PHF21A: variants seen among roughly 807,000 people sequenced by gnomAD.
PHF21A encodes PHD finger protein 21A, also known as BHC80a.
Under a neutral mutation model 82.5 loss-of-function variants are expected in PHF21A, and 11 were observed. The observed-to-expected ratio is 0.13, with a 90% confidence interval of 0.08 to 0.22. PHF21A has a LOEUF of 0.22. PHF21A is among the 10% of genes least tolerant of loss of function. The probability of loss-of-function intolerance (pLI) is 1.00; values close to 1 mark genes in which losing one functional copy is unlikely to be tolerated. For synonymous variants in PHF21A, 297 were observed against 302.8 expected (o/e 0.98, Z 0.20); for missense variants, 579 against 837.8 (o/e 0.69, Z 3.81).
intron 6 of PHF21A, among the ~76,000 whole-genome samples, chr11:46,063,818 A>G (rs1452363658): frequency 1.2e-5 from 1 of 81,522 alleles, no homozygotes; most frequent in Non-Finnish European, 3.7e-5. Flanking sequence ...ACCTGCAAAT[A>G]CTGTTTCATC....
chr11:45,985,714 CT>C (rs1157786693), intron 6 of PHF21A, among the ~76,000 whole-genome samples: 1 of 152,150 alleles, frequency 6.6e-6, no homozygotes, highest in African/African-American at 2.4e-5. Context: ...GTTTCTTTCC[CT>C]TTTTAACCTC....
intron 6 of PHF21A, among the ~76,000 whole-genome samples, chr11:46,050,165 T>C (rs1197904740): frequency 3.9e-5 from 6 of 152,260 alleles, no homozygotes; most frequent in East Asian, 3.8e-4. Context: ...GTTGGGACAT[T>C]TGCCTCCTTT....
intron 10 of PHF21A, among the ~76,000 whole-genome samples, chr11:45,958,422 ATAT>A (rs1565255868): frequency 1.4e-3 from 20 of 14,314 alleles, no homozygotes; most frequent in Non-Finnish European, 2.6e-3. Flanking sequence ...AAAAAAAAAT[ATAT>A]ATATATATAT....
intron 6 of PHF21A, among the ~76,000 whole-genome samples, chr11:46,032,770 A>G (rs1335480674): frequency 6.6e-6 from 1 of 152,156 alleles, no homozygotes; most frequent in Non-Finnish European, 1.5e-5. Context: ...AAATTTCATT[A>G]TTGTTCTAAT....
chr11:46,014,407 C>T (rs1231929195), intron 6 of PHF21A, among the ~76,000 whole-genome samples: 1 of 152,138 alleles, frequency 6.6e-6, no homozygotes, highest in African/African-American at 2.4e-5. Context: ...TTATCCAATC[C>T]ACTGTTGATG....
At chr11:46,058,405 T>C (rs1298739221) in intron 6 of PHF21A, among the ~76,000 whole-genome samples, 1 of 152,214 alleles carries the variant, frequency 6.6e-6, no homozygotes, top group Non-Finnish European at 1.5e-5. Flanking sequence ...ACTCACCTTC[T>C]AACAGCTGAC....
intron 6 of PHF21A, among the ~76,000 whole-genome samples, chr11:45,986,081 C>T (rs1018362689): frequency 1.9e-4 from 2 of 10,456 alleles, no homozygotes; most frequent in African/African-American, 4.3e-4. Context: ...ATTCTTCCTT[C>T]AAAACACACA....
chr11:46,010,562 T>C (rs953033628), intron 6 of PHF21A, among the ~76,000 whole-genome samples: 6 of 152,236 alleles, frequency 3.9e-5, no homozygotes, highest in African/African-American at 1.4e-4. Context: ...AATTAAATTA[T>C]ATTTGGCACC....
chr11:46,051,540 C>T lies in PHF21A; in HGVS notation c.153+25214G>A, dbSNP rs186616503. On this transcript the variant is annotated intron_variant, in intron 6 of 18. Transcript: ENST00000676320. The stretch of plus-strand genomic sequence containing the variant: ...GGGTTGAAATTGCCTAAGGAAACCT[C>T]AAACAGAGTACTCTAACTTTGGTCT... Among the ~76,000 whole-genome samples the T allele has an allele frequency of 2.6e-5, 4 of 152,232 alleles. No individual in the cohort carries two copies. In the East Asian group the frequency reaches 7.7e-4, roughly 29 times the overall value.
chr11:45,963,087 T>A (rs1270655850), intron 10 of PHF21A, among the ~76,000 whole-genome samples: 1 of 152,028 alleles, frequency 6.6e-6, no homozygotes, highest in African/African-American at 2.4e-5. Flanking sequence ...ATAAGTTTGA[T>A]TTTGGTTTTT....
intron 6 of PHF21A, among the ~76,000 whole-genome samples, chr11:46,062,522 C>G (rs182054401): frequency 6.6e-6 from 1 of 152,070 alleles, no homozygotes; most frequent in Non-Finnish European, 1.5e-5. Flanking sequence ...CCTTGTTTCA[C>G]TAATGCAATA....
intron 18 of PHF21A, chr11:45,935,003 A>G: frequency 1.4e-6 from 1 of 731,348 alleles, no homozygotes; most frequent in Non-Finnish European, 2.1e-6. Flanking sequence ...CACTCCAACA[A>G]GGGTGACCTA....
rs2088075658 is a variant in PHF21A, at chr11:45,933,944, G to A, written c.*24C>T. The A allele has an allele frequency of 1.3e-6, 2 of 1,484,522 alleles. No individual in the cohort carries two copies. Among genetic ancestry groups the A allele is most frequent in the Non-Finnish European group, 1.8e-6 (2 of 1,116,042 alleles). The allele number at this position is 1,484,522 out of a possible 1,614,324, so 92.0% of individuals were successfully genotyped here. A position where few individuals can be genotyped will look rare whatever the true frequency, so the allele number is the denominator to read the frequency against. On this transcript the variant is annotated 3_prime_UTR_variant, in exon 19 of 19. Coordinates refer to ENST00000676320, the MANE Select transcript of PHF21A (RefSeq NM_001352027.3). ...CTGTTCTCCTTGCCGCCGGGATCCC[G>A]TGGCTTCTCCTAGAGGGGCTCTGTT...
intron 6 of PHF21A, among the ~76,000 whole-genome samples, chr11:46,035,968 TAGCTAC>T (rs1230296653): frequency 6.6e-6 from 1 of 152,168 alleles, no homozygotes; most frequent in African/African-American, 2.4e-5. Flanking sequence ...AGATTCACTC[TAGCTAC>T]AGTAAAGAGA....
rs190854456 is a variant in PHF21A at position 45,949,558 on chromosome 11, T to C, written c.1148-77A>G. 1.9e-4 allele frequency: 222 copies of C among 1,178,844 alleles called. 3 individuals are homozygous for C. The highest frequency in any genetic ancestry group is 1.8e-3 in the South Asian group (146 of 82,020). 73.0% of individuals were successfully genotyped at this position (1,178,844 alleles called of 1,614,324 possible). ...AACTTAACTTCATTGTTTTATCTAT[T>C]GGTTTTCCCATAAGAAATCAGAATC... On this transcript the variant is annotated intron_variant, in intron 12 of 18. Coordinates refer to ENST00000676320, the MANE Select transcript of PHF21A (RefSeq NM_001352027.3).
intron 6 of PHF21A, among the ~76,000 whole-genome samples, chr11:46,014,327 C>G (rs1378689364): frequency 6.6e-6 from 1 of 152,206 alleles, no homozygotes; most frequent in Non-Finnish European, 1.5e-5. Flanking sequence ...AGCCATGTTG[C>G]TGCAAAGGAT....
chr11:45,965,628 T>G lies in PHF21A; in HGVS notation c.703-20A>C. 2 of 1,505,764 alleles carry G rather than the reference T, an allele frequency of 1.3e-6. No individual in the cohort carries two copies. Among genetic ancestry groups the G allele is most frequent in the Non-Finnish European group, 8.9e-7 (1 of 1,124,012 alleles). The allele number at this position is 1,505,764 out of a possible 1,614,324, so 93.3% of individuals were successfully genotyped here. On this transcript the variant is annotated intron_variant, in intron 9 of 18. Coordinates refer to ENST00000676320, the MANE Select transcript of PHF21A (RefSeq NM_001352027.3). ...TCGAACCTATAGGGGAAAGAGAGAA[T>G]AATTATTGTATTACTTAAGCTGCTC...
intron 16 of PHF21A, 32 bp downstream of exon 16, chr11:45,938,125 G>T: frequency 2.0e-6 from 3 of 1,520,186 alleles, no homozygotes; most frequent in Non-Finnish European, 2.7e-6. Context: ...TGTCCTCCTC[G>T]GCCCCTCCCC....
At chr11:46,001,122 G>T (rs1357244876) in intron 6 of PHF21A, among the ~76,000 whole-genome samples, 1 of 151,792 alleles carries the variant, frequency 6.6e-6, no homozygotes, top group East Asian at 1.9e-4. Context: ...TAACACAACT[G>T]AAATAATTCA....
Sources: allele counts gnomAD v4.1 joint callset (sites outside exome capture counted in the v4.1 genomes callset), GRCh38; gene constraint gnomAD v4.1.1; transcripts MANE v1.5; gene names NCBI Gene and HGNC (gene_info 2026-07-23, HGNC 2026-07-21).